MYOM1: variants seen among roughly 807,000 people sequenced by gnomAD.
MYOM1 encodes the protein myomesin 1, also known as myomesin-1.
Under a neutral mutation model 205.3 loss-of-function variants are expected in MYOM1, and 164 were observed. The ratio of observed to expected loss-of-function variants is 0.80; its 90% CI spans 0.70 to 0.91. The LOEUF is 0.91. MYOM1 is among the 40% of genes least tolerant of loss of function. The pLI is 0.00. For synonymous variants in MYOM1, 772 were observed against 789.4 expected (o/e 0.98, Z 0.37); for missense variants, 2,011 against 2,127.3 (o/e 0.95, Z 1.08).
chr18:3,075,808 T>G, intron 34 of MYOM1, 47 bp from the exon 35 acceptor site: 1 of 1,503,870 alleles, frequency 6.6e-7, no homozygotes. Context: ...CCAGAATTGA[T>G]GACACACAGG....
chr18:3,079,061 C>T (rs2079053842), intron 34 of MYOM1, 118 bp downstream of exon 34: 2 of 984,066 alleles, frequency 2.0e-6, no homozygotes, highest in Non-Finnish European at 3.0e-6. Context: ...CATCCTCCTG[C>T]CTTGGCCTCT....
intron 3 of MYOM1, among the ~76,000 whole-genome samples, chr18:3,192,064 T>C (rs1302878673): frequency 5.3e-5 from 8 of 151,876 alleles, no homozygotes; most frequent in Admixed American, 5.3e-4. Context: ...AAGAGAAAAA[T>C]AGTTTGGTGT....
At chr18:3,098,340 C>T (rs547362772) in intron 25 of MYOM1, among the ~76,000 whole-genome samples, 7 of 151,912 alleles carry the variant, frequency 4.6e-5, no homozygotes, top group Admixed American at 1.3e-4. Context: ...TGCAGTGGCA[C>T]GATCTCGGCT....
intron 19 of MYOM1, among the ~76,000 whole-genome samples, chr18:3,121,415 A>T (rs890646585): frequency 2.0e-5 from 3 of 152,202 alleles, no homozygotes; most frequent in African/African-American, 4.8e-5. Flanking sequence ...ATTACCCTCA[A>T]ACAAGCAAGC....
intron 13 of MYOM1, among the ~76,000 whole-genome samples, chr18:3,147,137 G>T (rs143123282): frequency 0.027 from 3,761 of 139,956 alleles, 71 homozygotes; most frequent in Middle Eastern, 0.059. Flanking sequence ...ATATATTATA[G>T]ATAAATATAT....
intron 33 of MYOM1, among the ~76,000 whole-genome samples, chr18:3,082,294 G>C (rs991280172): frequency 1.3e-5 from 2 of 152,182 alleles, no homozygotes; most frequent in Non-Finnish European, 2.9e-5. Flanking sequence ...TCCAGTGGCA[G>C]GTAGTACCAT....
At chr18:3,099,781 C>T (rs2079353944) in intron 25 of MYOM1, among the ~76,000 whole-genome samples, 1 of 152,114 alleles carries the variant, frequency 6.6e-6, no homozygotes, top group Non-Finnish European at 1.5e-5. Context: ...AAGTGCCAAT[C>T]TTACTTAGGA....
At chr18:3,074,473 T>C (rs2078998084) in intron 36 of MYOM1, among the ~76,000 whole-genome samples, 1 of 152,216 alleles carries the variant, frequency 6.6e-6, no homozygotes, top group Admixed American at 6.5e-5. Flanking sequence ...ATTTTAAAAT[T>C]CTGGCTCCCA....
Position 3,168,904 on chromosome 18 carries a change from C to G in MYOM1, c.1252G>C (p.Glu418Gln), listed in dbSNP as rs1567947051. 7 of 1,613,852 alleles carry G rather than the reference C, an allele frequency of 4.3e-6. No individual in the cohort carries two copies. Among genetic ancestry groups the G allele is most frequent in the Non-Finnish European group, 5.1e-6 (6 of 1,179,834 alleles). Residue 418 changes from glutamate to glutamine, a missense_variant, in exon 9 of 38, where the codon GAG becomes CAG. By Grantham distance (29) the Glu-to-Gln change is conservative. Transcript: ENST00000356443. ...CAGCCTAGACTCATTGTCTCTCCCT[C>G]TCTCCCAAAAGACACATCAAATTTG... ...DDKFDVSFGR[E>Q]GETMSLGCRV...
chr18:3,206,086 G>A (rs1380019058), intron 2 of MYOM1, among the ~76,000 whole-genome samples: 3 of 152,176 alleles, frequency 2.0e-5, no homozygotes, highest in South Asian at 4.1e-4. Context: ...TCACACACTC[G>A]AGAGTGAGCT....
intron 19 of MYOM1, among the ~76,000 whole-genome samples, chr18:3,123,015 C>T (rs939732114): frequency 8.5e-5 from 13 of 152,126 alleles, no homozygotes; most frequent in East Asian, 3.9e-4. Context: ...AAATCTGAGA[C>T]GGTGTCGTGC....
At chr18:3,236,232 C>G in the MYOM1 span, among the ~76,000 whole-genome samples, 1 of 152,176 alleles carries the variant, frequency 6.6e-6, no homozygotes, top group Non-Finnish European at 1.5e-5. Flanking sequence ...TAAAGGATTA[C>G]TCTATCTGCT....
At position 3,135,062 on chromosome 18, in the gene MYOM1, C is replaced by T. The variant is rs2079936037; in HGVS notation, c.2210-238G>A. 1 of 444,270 alleles carries T rather than the reference C, an allele frequency of 2.3e-6. No homozygotes were observed. Among genetic ancestry groups the T allele is most frequent in the Admixed American group, 3.5e-5 (1 of 28,822 alleles). 27.5% of individuals were successfully genotyped at this position (444,270 alleles called of 1,614,324 possible). The stretch of plus-strand genomic sequence containing the variant: ...CTCCTGGGTTCAGGCAATTTTCCCA[C>T]CTCAGCCTCCTGAGTAGCTGGAATT... On this transcript the variant is annotated intron_variant, in intron 15 of 37. Transcript: ENST00000356443. The surrounding 1 kb of genome is among the most constrained non-coding windows in gnomAD (Gnocchi z 4.1).
intron 21 of MYOM1, among the ~76,000 whole-genome samples, chr18:3,114,524 C>A (rs2079575441): frequency 6.7e-6 from 1 of 148,300 alleles, no homozygotes. Context: ...AATACAGGCA[C>A]ATGCCACCAT....
Position 3,108,229 on chromosome 18 carries a change from A to G in MYOM1, c.3418+4069T>C, listed in dbSNP as rs145992679. Among the ~76,000 whole-genome samples the G allele has an allele frequency of 4.3e-3, 653 of 152,248 alleles. 10 individuals carry two copies. The highest frequency in any genetic ancestry group is 0.015 in the African/African-American group (626 of 41,490). On this transcript the variant is annotated intron_variant, in intron 22 of 37. Transcript: ENST00000356443. ...TCAGGTCAATTAAATTCTCAACTGC[A>G]ATGCTGCAGTCGCAGTGGATTGATT...
At chr18:3,203,817 C>T (rs893207108) in intron 2 of MYOM1, among the ~76,000 whole-genome samples, 14 of 150,094 alleles carry the variant, frequency 9.3e-5, no homozygotes, top group South Asian at 4.2e-4. Context: ...CAAACAAAGA[C>T]GTTATAATAA....
At chr18:3,118,481 C>T (rs1204194489) in intron 20 of MYOM1, among the ~76,000 whole-genome samples, 1 of 151,600 alleles carries the variant, frequency 6.6e-6, no homozygotes, top group African/African-American at 2.4e-5. Context: ...TACAGGCATG[C>T]ACCATCATGC....
chr18:3,122,953 A>G (rs892356977), intron 19 of MYOM1, among the ~76,000 whole-genome samples: 9 of 152,334 alleles, frequency 5.9e-5, no homozygotes, highest in Admixed American at 3.3e-4. Flanking sequence ...TCCCTTTAAG[A>G]TAACTATCAA....
chr18:3,238,235 GCA>G, the MYOM1 span, among the ~76,000 whole-genome samples: 1 of 152,096 alleles, frequency 6.6e-6, no homozygotes, highest in African/African-American at 2.4e-5. Flanking sequence ...TCCTCGCAAT[GCA>G]CAGTTCACAA....
Sources: allele counts gnomAD v4.1 joint callset (sites outside exome capture counted in the v4.1 genomes callset), GRCh38; gene constraint gnomAD v4.1.1; non-coding constraint Gnocchi (gnomAD v3.1); transcripts MANE v1.5; gene names NCBI Gene and HGNC (gene_info 2026-07-23, HGNC 2026-07-21).